The following LHCGR variants were observed in gnomAD, a reference collection of about 807,000 sequenced individuals.
LHCGR encodes the protein lutropin-choriogonadotropic hormone receptor.
A neutral mutation model predicts 60.7 loss-of-function variants in LHCGR; 55 were observed. The ratio of observed to expected loss-of-function variants is 0.91; its 90% CI spans 0.73 to 1.13. LHCGR has a LOEUF of 1.13. LHCGR is among the 50% of genes most tolerant of loss of function. The pLI, the probability that LHCGR is intolerant of heterozygous loss-of-function variation, is 0.00. For synonymous variants in LHCGR, 337 were observed against 316.5 expected (o/e 1.06, Z -0.69); for missense variants, 862 against 836.0 (o/e 1.03, Z -0.38).
intron 1 of LHCGR, among the ~76,000 whole-genome samples, chr2:48,737,210 A>G (rs1461221080): frequency 1.3e-5 from 2 of 152,212 alleles, no homozygotes; most frequent in African/African-American, 4.8e-5. Flanking sequence ...AATGCCAACT[A>G]TATTATTGAT....
chr2:48,731,341 T>C (rs1668975292), intron 1 of LHCGR, 43 bp from the exon 2 acceptor site: 1 of 1,392,962 alleles, frequency 7.2e-7, no homozygotes, highest in African/African-American at 1.4e-5. Flanking sequence ...AGATTTATGA[T>C]AGGGTGCCTT....
At chr2:48,706,999 C>G (rs1420919030) in intron 8 of LHCGR, among the ~76,000 whole-genome samples, 3 of 152,198 alleles carry the variant, frequency 2.0e-5, no homozygotes, top group African/African-American at 7.2e-5. Context: ...TTCAGCCTTT[C>G]TGCTCTGGTT....
intron 8 of LHCGR, among the ~76,000 whole-genome samples, chr2:48,704,240 G>A (rs549265113): frequency 2.6e-5 from 4 of 152,258 alleles, no homozygotes; most frequent in African/African-American, 2.4e-5. Flanking sequence ...GGATGAAGCC[G>A]ACTTGATTGT....
chr2:48,737,609 T>C (rs932403375), intron 1 of LHCGR, among the ~76,000 whole-genome samples: 2 of 152,252 alleles, frequency 1.3e-5, no homozygotes, highest in Non-Finnish European at 2.9e-5. Context: ...GTGGCTTCAT[T>C]ACAGGGAATG....
rs149599984 is a variant in LHCGR, at chr2:48,705,130, C to A, written c.680+3818G>T. ...GTTTCAAAGAACATTTTTATTTTTG[C>A]CTTCATTTCGTTATGTACCCAGTAG... On this transcript the variant is annotated intron_variant, in intron 8 of 10. Coordinates refer to ENST00000294954, the MANE Select transcript of LHCGR (RefSeq NM_000233.4). Among the ~76,000 whole-genome samples the A allele has an allele frequency of 2.9e-3, 447 of 152,188 alleles. 18 individuals carry two copies. In the East Asian group the frequency reaches 0.065, roughly 22 times the overall value.
At chr2:48,744,789 G>A (rs1158237773) in intron 1 of LHCGR, among the ~76,000 whole-genome samples, 2 of 150,404 alleles carry the variant, frequency 1.3e-5, no homozygotes. Flanking sequence ...GCATGGGCAA[G>A]GACTTCATGT....
chr2:48,744,399 C>T (rs1290462143), intron 1 of LHCGR, among the ~76,000 whole-genome samples: 1 of 47,332 alleles, frequency 2.1e-5, no homozygotes, highest in Non-Finnish European at 3.8e-5. Context: ...CAATCCTAAG[C>T]CAAAAGAACA....
At chr2:48,707,905 G>C (rs1371678599) in intron 8 of LHCGR, among the ~76,000 whole-genome samples, 1 of 152,158 alleles carries the variant, frequency 6.6e-6, no homozygotes, top group South Asian at 2.1e-4. Context: ...GGTCAGGAGT[G>C]TATCGTTCCT....
chr2:48,733,240 G>T, intron 1 of LHCGR: 1 of 211,004 alleles, frequency 4.7e-6, no homozygotes, highest in Non-Finnish European at 9.6e-6. Flanking sequence ...GAACACTTCA[G>T]AGCTGTTTAT....
At chr2:48,711,699 C>T (rs4339007) in intron 7 of LHCGR, among the ~76,000 whole-genome samples, 5,818 of 152,188 alleles carry the variant, frequency 0.038, 219 homozygotes, top group East Asian at 0.11. Flanking sequence ...TTCTCTTGCT[C>T]ATCTTGTTTC....
intron 1 of LHCGR, among the ~76,000 whole-genome samples, chr2:48,745,016 C>T (rs1354442263): frequency 6.6e-6 from 1 of 151,980 alleles, no homozygotes. Context: ...ACAAACAACC[C>T]CATCAAAAAG....
intron 8 of LHCGR, among the ~76,000 whole-genome samples, chr2:48,704,448 A>G (rs1393211452): frequency 2.0e-5 from 3 of 152,170 alleles, no homozygotes; most frequent in Non-Finnish European, 4.4e-5. Flanking sequence ...TGATTGGAAT[A>G]GTTTCAGAAG....
At chr2:48,732,239 A>AG (rs1313030703) in intron 1 of LHCGR, among the ~76,000 whole-genome samples, 1 of 152,212 alleles carries the variant, frequency 6.6e-6, no homozygotes, top group East Asian at 1.9e-4. Flanking sequence ...TTTTGGCCCA[A>AG]GGACTGGCAG....
chr2:48,736,460 A>G (rs913988875), intron 1 of LHCGR, among the ~76,000 whole-genome samples: 7 of 152,230 alleles, frequency 4.6e-5, no homozygotes, highest in African/African-American at 7.2e-5. Context: ...TACAGCATCC[A>G]GATAAATCTA....
intron 6 of LHCGR, among the ~76,000 whole-genome samples, chr2:48,717,113 C>G (rs985379295): frequency 6.6e-6 from 1 of 152,176 alleles, no homozygotes; most frequent in Non-Finnish European, 1.5e-5. Context: ...GGATTGCTTT[C>G]TCTACCTTCT....
Position 48,747,027 on chromosome 2 carries a change from C to G in LHCGR, c.161+8484G>C, listed in dbSNP as rs184099393. Among the ~76,000 whole-genome samples, 23 of 152,098 alleles carry G rather than the reference C, an allele frequency of 1.5e-4. No homozygotes were observed. In the East Asian group the frequency reaches 4.2e-3, roughly 28 times the overall value. On this transcript the variant is annotated intron_variant, in intron 1 of 10. Coordinates refer to ENST00000294954, the MANE Select transcript of LHCGR (RefSeq NM_000233.4). ...CACTTAAAAACTTTTTTTAAAGTAA[C>G]TGTGTAAAAGTTGGTTGCAACTGAT...
At chr2:48,721,865 A>G in intron 6 of LHCGR, 1 of 455,990 alleles carries the variant, frequency 2.2e-6, no homozygotes, top group Non-Finnish European at 4.5e-6. Context: ...GTATAAAGAA[A>G]TGAGGCCGGG....
intron 1 of LHCGR, among the ~76,000 whole-genome samples, chr2:48,736,954 C>T (rs1669227488): frequency 6.6e-6 from 1 of 152,140 alleles, no homozygotes. Context: ...GTAGGTTTCT[C>T]ACCTCCCCTT....
chr2:48,712,578 G>A (rs1668047087), intron 7 of LHCGR, among the ~76,000 whole-genome samples: 1 of 151,922 alleles, frequency 6.6e-6, no homozygotes, highest in Non-Finnish European at 1.5e-5. Flanking sequence ...CCCCATGATA[G>A]GAGAACAACT....
Sources: gnomAD v4.1 joint callset for allele counts (sites outside exome capture counted in the v4.1 genomes callset) on GRCh38, gnomAD v4.1.1 for gene constraint, MANE v1.5 for transcripts, NCBI Gene and HGNC (gene_info 2026-07-23, HGNC 2026-07-21) for gene names.